GRM8: variants seen among roughly 807,000 people sequenced by gnomAD.
GRM8 encodes glutamate metabotropic receptor 8.
Under a neutral mutation model 87.2 loss-of-function variants are expected in GRM8, and 47 were observed. That is an observed-to-expected ratio of 0.54 (90% CI 0.43 to 0.69). GRM8 has a LOEUF of 0.69. GRM8 is among the 30% of genes least tolerant of loss of function. The probability of loss-of-function intolerance (pLI) is 0.00; values close to 1 mark genes in which losing one functional copy is unlikely to be tolerated. For synonymous variants in GRM8, 396 were observed against 404.5 expected, an observed-to-expected ratio of 0.98 and a Z score of 0.25; for missense variants, 1,019 against 1,139.2, an observed-to-expected ratio of 0.89 and a Z score of 1.52.
At chr7:127,120,090 A>G (rs1413220330) in intron 2 of GRM8, among the ~76,000 whole-genome samples, 1 of 152,224 alleles carries the variant, frequency 6.6e-6, no homozygotes, top group Non-Finnish European at 1.5e-5. Context: ...CTGGTGCACC[A>G]GGGGTCCTCA....
chr7:126,566,455 T>C (rs1409189821), intron 8 of GRM8, among the ~76,000 whole-genome samples: 2 of 152,122 alleles, frequency 1.3e-5, no homozygotes, highest in African/African-American at 4.8e-5. Context: ...ATTTGCATAA[T>C]CAGGAAAATG....
At chr7:126,542,821 C>A (rs1373698332) in intron 8 of GRM8, among the ~76,000 whole-genome samples, 6 of 151,972 alleles carry the variant, frequency 3.9e-5, no homozygotes, top group African/African-American at 1.5e-4. Context: ...GGGAGGATGG[C>A]AGAGAAGCAA....
At chr7:127,217,878 T>A (rs1406789191) in intron 2 of GRM8, among the ~76,000 whole-genome samples, 1 of 152,248 alleles carries the variant, frequency 6.6e-6, no homozygotes, top group African/African-American at 2.4e-5. Flanking sequence ...ATTATAAAAT[T>A]AAGCTCTGAA....
intron 6 of GRM8, among the ~76,000 whole-genome samples, chr7:126,849,926 T>C (rs77107519): frequency 0.028 from 4,304 of 152,300 alleles, 131 homozygotes; most frequent in Non-Finnish European, 0.033. Flanking sequence ...CTCTACTGGA[T>C]TGTTTGTCCA....
At chr7:126,642,256 C>T (rs1263496908) in intron 7 of GRM8, among the ~76,000 whole-genome samples, 1 of 152,196 alleles carries the variant, frequency 6.6e-6, no homozygotes, top group Non-Finnish European at 1.5e-5. Context: ...ATTTGATGCT[C>T]ATCCCTGTGT....
At chr7:126,830,394 GTTCAT>G (rs1411232161) in intron 6 of GRM8, among the ~76,000 whole-genome samples, 2 of 152,156 alleles carry the variant, frequency 1.3e-5, no homozygotes, top group African/African-American at 4.8e-5. Context: ...TGGAGGCTTT[GTTCAT>G]TTCTTTTTAT....
chr7:126,532,818 C>CATATATATAT (rs1815067585), intron 9 of GRM8, 134 bp downstream of exon 9: 2 of 240,948 alleles, frequency 8.3e-6, no homozygotes, highest in Admixed American at 7.3e-5. Flanking sequence ...TATATATATG[C>CATATATATAT]ATGCTAAGTA....
intron 6 of GRM8, among the ~76,000 whole-genome samples, chr7:126,799,645 C>A (rs2151702199): frequency 6.6e-6 from 1 of 152,214 alleles, no homozygotes; most frequent in Middle Eastern, 3.4e-3. Context: ...CATCCCTGGA[C>A]TGTAGAAAGC....
chr7:126,463,175 G>A (rs1420533457), intron 9 of GRM8, among the ~76,000 whole-genome samples: 1 of 151,580 alleles, frequency 6.6e-6, no homozygotes, highest in Non-Finnish European at 1.5e-5. Flanking sequence ...AGAGACATCA[G>A]GGGATGCAAA....
At chr7:127,073,814 A>G (rs562742201) in intron 3 of GRM8, among the ~76,000 whole-genome samples, 5 of 152,206 alleles carry the variant, frequency 3.3e-5, no homozygotes, top group African/African-American at 1.2e-4. Flanking sequence ...AGACATTTTT[A>G]TATATATAAT....
Position 126,644,236 on chromosome 7 carries a change from T to C in GRM8, c.1358-34738A>G, listed in dbSNP as rs146353866. Among the ~76,000 whole-genome samples the C allele has an allele frequency of 4.1e-3, 632 of 152,340 alleles. 7 individuals are homozygous for C. The highest frequency in any genetic ancestry group is 0.014 in the African/African-American group (601 of 41,580). ...CGTATTTTCAAATTTAAACATAAAG[T>C]TTGAATCATAAATGCCTCATGTCAA... is the stretch of plus-strand genomic sequence containing the variant. On this transcript the variant is annotated intron_variant, in intron 7 of 10. Coordinates refer to ENST00000339582, the MANE Select transcript of GRM8 (RefSeq NM_000845.3).
chr7:126,597,050 T>A (rs186130206), intron 8 of GRM8, among the ~76,000 whole-genome samples: 1 of 152,188 alleles, frequency 6.6e-6, no homozygotes, highest in Admixed American at 6.5e-5. Context: ...AGCGAAATAA[T>A]CTAAAAAGAA....
Position 126,563,954 on chromosome 7 carries a change from G to A in GRM8, c.1495-30067C>T, listed in dbSNP as rs1793965129. 2.0e-5 allele frequency among the ~76,000 whole-genome samples: 3 copies of A among 152,336 alleles called. No individual in the cohort carries two copies. The South Asian group carries it at 6.2e-4, about 32-fold the overall frequency. On this transcript the variant is annotated intron_variant, in intron 8 of 10. Coordinates refer to ENST00000339582, the MANE Select transcript of GRM8 (RefSeq NM_000845.3). Reference sequence around the variant, plus strand: ...AGAATTTCTGGAGAACTCTAAACCAGTGGTATAAAAATTATAATAGAGTTT... The same window carrying A: ...AGAATTTCTGGAGAACTCTAAACCAATGGTATAAAAATTATAATAGAGTTT...
chr7:126,533,747 G>T lies in GRM8; in HGVS notation c.1635C>A (p.Asn545Lys), dbSNP rs372801626. 8.1e-5 allele frequency: 130 copies of T among 1,613,970 alleles called. No individual in the cohort carries two copies. Among genetic ancestry groups the T allele is most frequent in the Admixed American group, 3.8e-4 (23 of 60,004 alleles). ...CACAGGACAGCTCATCCACCTGGTA[G>T]TTGTAACCTTCACAGCGTTCACAGT... ...CWHCERCEGY[N>K]YQVDELSCEL... The change falls in exon 9 of 11, where the codon AAC becomes AAA. Residue 545 changes from asparagine to lysine, a missense_variant. By Grantham distance (94) the Asn-to-Lys change is moderately conservative. Coordinates refer to ENST00000339582, the MANE Select transcript of GRM8 (RefSeq NM_000845.3).
At chr7:126,853,743 CA>C (rs1280872806) in intron 6 of GRM8, among the ~76,000 whole-genome samples, 1 of 152,148 alleles carries the variant, frequency 6.6e-6, no homozygotes, top group Non-Finnish European at 1.5e-5. Flanking sequence ...GGGCAGGACC[CA>C]GGGGCCATAT....
intron 3 of GRM8, among the ~76,000 whole-genome samples, chr7:127,096,954 T>C (rs1158420568): frequency 6.6e-6 from 1 of 152,164 alleles, no homozygotes; most frequent in Non-Finnish European, 1.5e-5. Flanking sequence ...GCCCTTTGGT[T>C]CCCAGAGGCT....
chr7:127,070,976 A>G (rs897569117), intron 3 of GRM8, among the ~76,000 whole-genome samples: 7 of 152,220 alleles, frequency 4.6e-5, no homozygotes, highest in Non-Finnish European at 8.8e-5. Flanking sequence ...TTCTAACAGC[A>G]TTAAATAATG....
intron 3 of GRM8, among the ~76,000 whole-genome samples, chr7:127,059,761 G>C (rs1055800267): frequency 6.6e-6 from 1 of 152,108 alleles, no homozygotes; most frequent in Non-Finnish European, 1.5e-5. Flanking sequence ...TTTCTTGTAG[G>C]AGCATTTTCC....
At chr7:126,920,230 A>C (rs1342065456) in intron 3 of GRM8, among the ~76,000 whole-genome samples, 1 of 152,166 alleles carries the variant, frequency 6.6e-6, no homozygotes, top group Non-Finnish European at 1.5e-5. Context: ...CAACCAGGCT[A>C]ACATCCTAAT....
Sources: allele counts gnomAD v4.1 joint callset (sites outside exome capture counted in the v4.1 genomes callset), GRCh38; gene constraint gnomAD v4.1.1; transcripts MANE v1.5; gene names NCBI Gene and HGNC (gene_info 2026-07-23, HGNC 2026-07-21).